ARL15: variants seen among roughly 807,000 people sequenced by gnomAD.
The protein encoded by ARL15 is ADP-ribosylation factor-like protein 15.
In ARL15, 19 loss-of-function variants were observed where a neutral mutation model predicts 25.2. The observed-to-expected ratio is 0.75, with a 90% CI of 0.53 to 1.10. The LOEUF (loss-of-function observed/expected upper bound fraction) is 1.10. Ranked by LOEUF, ARL15 falls within the 50% of genes least tolerant of loss-of-function variation. The pLI, the probability that ARL15 is intolerant of heterozygous loss-of-function variation, is 0.00. For synonymous variants in ARL15, 94 were observed against 86.8 expected (o/e 1.08, Z -0.46); for missense variants, 220 against 246.0 (o/e 0.89, Z 0.71).
At chr5:54,054,946 C>T (rs1750816697) in intron 4 of ARL15, among the ~76,000 whole-genome samples, 1 of 152,286 alleles carries the variant, frequency 6.6e-6, no homozygotes, top group Non-Finnish European at 1.5e-5. Context: ...ACATTCCACA[C>T]TCTTGGACAC....
intron 3 of ARL15, among the ~76,000 whole-genome samples, chr5:54,139,163 G>C (rs1338936506): frequency 1.3e-5 from 2 of 152,060 alleles, no homozygotes; most frequent in Admixed American, 1.3e-4. Flanking sequence ...CCACTACTAG[G>C]TATCTACCTA....
At chr5:53,932,775 A>T (rs1746231266) in intron 4 of ARL15, among the ~76,000 whole-genome samples, 1 of 152,246 alleles carries the variant, frequency 6.6e-6, no homozygotes, top group South Asian at 2.1e-4. Flanking sequence ...GGCTGGCAAT[A>T]GCAAAGCAGG....
chr5:53,884,533 TA>T lies in ARL15; in HGVS notation c.*2027del, dbSNP rs1425403687. 1 of 152,124 alleles carries T rather than the reference TA, an allele frequency of 6.6e-6. No individual in the cohort carries two copies. The highest frequency in any genetic ancestry group is 1.5e-5 in the Non-Finnish European group (1 of 68,056). The allele number at this position is 152,124 out of a possible 1,614,324, so 9.4% of individuals were successfully genotyped here. On this transcript the variant is annotated 3_prime_UTR_variant, in exon 5 of 5. Coordinates refer to ENST00000504924, the MANE Select transcript of ARL15 (RefSeq NM_019087.3). ...AAAGAGGGAGCCTTATTGACAGTTG[TA>T]AAGCATTAGGCGTCAGACAGAAACT...
chr5:54,177,216 G>A (rs750623103), intron 1 of ARL15, among the ~76,000 whole-genome samples: 27 of 152,248 alleles, frequency 1.8e-4, no homozygotes, highest in Non-Finnish European at 2.6e-4. Context: ...CCCATTCTGT[G>A]TACCCACAAA....
chr5:54,275,274 C>T (rs554727263), intron 1 of ARL15, among the ~76,000 whole-genome samples: 2 of 152,332 alleles, frequency 1.3e-5, no homozygotes, highest in South Asian at 4.1e-4. Context: ...AGCTCATGTA[C>T]TTGTGAAAAA....
At chr5:54,274,630 G>A (rs114633483) in intron 1 of ARL15, among the ~76,000 whole-genome samples, 4,396 of 152,234 alleles carry the variant, frequency 0.029, 82 homozygotes, top group Non-Finnish European at 0.043. Context: ...CAGGCTCGGC[G>A]GCTCATGCCT....
intron 4 of ARL15, among the ~76,000 whole-genome samples, chr5:54,072,232 C>G (rs964823157): frequency 5.3e-5 from 8 of 152,282 alleles, no homozygotes; most frequent in East Asian, 1.9e-4. Flanking sequence ...AGTTCCCCAT[C>G]ATCAGTCCTA....
intron 1 of ARL15, among the ~76,000 whole-genome samples, chr5:54,236,439 C>T (rs1412721581): frequency 6.9e-6 from 1 of 145,592 alleles, no homozygotes; most frequent in Non-Finnish European, 1.5e-5. Flanking sequence ...CACACACACA[C>T]ACACACAAAT....
At chr5:54,207,180 A>G (rs1048828999) in intron 1 of ARL15, among the ~76,000 whole-genome samples, 1 of 152,254 alleles carries the variant, frequency 6.6e-6, no homozygotes, top group African/African-American at 2.4e-5. Context: ...CAGTAGGTGC[A>G]CAAGATGTGG....
At chr5:54,207,943 T>G (rs1489506841) in intron 1 of ARL15, among the ~76,000 whole-genome samples, 1 of 152,312 alleles carries the variant, frequency 6.6e-6, no homozygotes, top group East Asian at 1.9e-4. Flanking sequence ...TGAAGATCAC[T>G]AGGCACATAT....
chr5:54,165,608 T>C (rs1388645522), intron 2 of ARL15, among the ~76,000 whole-genome samples: 1 of 151,690 alleles, frequency 6.6e-6, no homozygotes. Context: ...ACATCTTTTA[T>C]CTGCTTTTAA....
At chr5:54,027,266 C>T (rs969402304) in intron 4 of ARL15, among the ~76,000 whole-genome samples, 4 of 152,160 alleles carry the variant, frequency 2.6e-5, no homozygotes, top group Non-Finnish European at 4.4e-5. Context: ...CTGTGCACCA[C>T]ACAAAACAAG....
At chr5:54,066,245 C>T (rs1329951099) in intron 4 of ARL15, among the ~76,000 whole-genome samples, 1 of 151,650 alleles carries the variant, frequency 6.6e-6, no homozygotes, top group East Asian at 1.9e-4. Context: ...CCCCATTTGC[C>T]AACAGAAAAG....
intron 4 of ARL15, among the ~76,000 whole-genome samples, chr5:53,911,444 A>G (rs527532752): frequency 5.3e-4 from 80 of 151,334 alleles, no homozygotes; most frequent in African/African-American, 1.9e-3. Context: ...AGGTGATAGG[A>G]TTTTAACTGT....
chr5:54,193,876 C>T (rs1361050726), intron 1 of ARL15, among the ~76,000 whole-genome samples: 1 of 152,004 alleles, frequency 6.6e-6, no homozygotes, highest in Non-Finnish European at 1.5e-5. Context: ...AAAATTAATG[C>T]TTTCCCTTAA....
At position 53,913,216 on chromosome 5, in the gene ARL15, T is replaced by C. The variant is rs182036387; in HGVS notation, c.463-26503A>G. ...TACTTGGGAGGCTGAGGTGGGAGGA[T>C]TGCTTGAGCCCAAGAGGGCAGGGTT... On this transcript the variant is annotated intron_variant, in intron 4 of 4. Coordinates refer to ENST00000504924, the MANE Select transcript of ARL15 (RefSeq NM_019087.3). Among the ~76,000 whole-genome samples the C allele has an allele frequency of 2.9e-4, 44 of 152,282 alleles. No homozygotes were observed. The East Asian group carries it at 5.4e-3, about 19-fold the overall frequency.
Position 54,069,558 on chromosome 5 carries a change from C to CAAAA in ARL15, c.462+43640_462+43643dup, listed in dbSNP as rs34795383. Among the ~76,000 whole-genome samples, 67 of 48,082 alleles carry CAAAA rather than the reference C, an allele frequency of 1.4e-3. 6 individuals carry two copies. The highest frequency in any genetic ancestry group is 6.7e-3 in the African/African-American group (62 of 9,194). 31.5% of individuals were successfully genotyped at this position (48,082 alleles called of 152,430 possible). On this transcript the variant is annotated intron_variant, in intron 4 of 4. Transcript: ENST00000504924. ...CCTGGGTGACAACAGCAAAACGTCT[C>CAAAA]AAAAAAAAAAAAAAAAAAAAAAAAA...
intron 4 of ARL15, among the ~76,000 whole-genome samples, chr5:54,097,436 C>G (rs1752322841): frequency 6.6e-6 from 1 of 152,082 alleles, no homozygotes; most frequent in Non-Finnish European, 1.5e-5. Flanking sequence ...TCTATCTTAA[C>G]TAAAATCAAG....
At chr5:54,253,805 G>C (rs1013192448) in intron 1 of ARL15, among the ~76,000 whole-genome samples, 1 of 152,084 alleles carries the variant, frequency 6.6e-6, no homozygotes, top group Admixed American at 6.5e-5. Context: ...GCCCAGGCTG[G>C]TCTCAAACTC....
Sources: allele counts gnomAD v4.1 joint callset (sites outside exome capture counted in the v4.1 genomes callset), GRCh38; gene constraint gnomAD v4.1.1; transcripts MANE v1.5; gene names NCBI Gene and HGNC (gene_info 2026-07-23, HGNC 2026-07-21).